The following SHROOM3 variants were observed in gnomAD, a reference collection of about 807,000 sequenced individuals.
SHROOM3 encodes protein Shroom3.
In SHROOM3, 47 loss-of-function variants were observed where a neutral mutation model predicts 138.6. That is an observed-to-expected ratio of 0.34 (90% CI 0.27 to 0.43). The LOEUF (loss-of-function observed/expected upper bound fraction) is 0.43. Among genes scored for constraint, SHROOM3 ranks in the 20% least tolerant of loss-of-function variants. SHROOM3 has a pLI of 1.00. For synonymous variants in SHROOM3, 1,062 were observed against 1,063.3 expected (o/e 1.00, Z 0.02); for missense variants, 2,491 against 2,596.5 (o/e 0.96, Z 0.88).
chr4:76,507,795 C>T (rs1015703729), intron 1 of SHROOM3, among the ~76,000 whole-genome samples: 4 of 151,918 alleles, frequency 2.6e-5, no homozygotes, highest in South Asian at 2.1e-4. Context: ...CTGCCAGCCT[C>T]GGCCTCCCAA....
intron 1 of SHROOM3, among the ~76,000 whole-genome samples, chr4:76,508,820 A>C (rs1372255000): frequency 1.3e-5 from 2 of 152,208 alleles, no homozygotes; most frequent in Non-Finnish European, 2.9e-5. Context: ...AAACAGCATA[A>C]ATTTGTTGCT....
At chr4:76,695,736 C>T (rs1719708390) in intron 2 of SHROOM3, among the ~76,000 whole-genome samples, 1 of 152,194 alleles carries the variant, frequency 6.6e-6, no homozygotes, top group Admixed American at 6.5e-5. Flanking sequence ...CCCCCAAAGT[C>T]CTGAGTGTCG....
chr4:76,677,852 C>T (rs1295170931), intron 2 of SHROOM3, among the ~76,000 whole-genome samples: 7 of 152,164 alleles, frequency 4.6e-5, no homozygotes, highest in Non-Finnish European at 8.8e-5. Flanking sequence ...TCCTGAACAC[C>T]TACGGGGAGA....
chr4:76,650,051 T>C (rs911334589), intron 2 of SHROOM3, among the ~76,000 whole-genome samples: 8 of 152,220 alleles, frequency 5.3e-5, no homozygotes, highest in Non-Finnish European at 1.2e-4. Context: ...CCTAGGTGGA[T>C]GTGCTTGGAG....
chr4:76,757,798 T>C (rs1486262383), intron 8 of SHROOM3, among the ~76,000 whole-genome samples: 1 of 152,210 alleles, frequency 6.6e-6, no homozygotes, highest in African/African-American at 2.4e-5. Context: ...ATGTTTTATT[T>C]CCTTAAAAGA....
chr4:76,535,615 T>A (rs1732934778), intron 1 of SHROOM3, among the ~76,000 whole-genome samples: 1 of 152,222 alleles, frequency 6.6e-6, no homozygotes, highest in African/African-American at 2.4e-5. Flanking sequence ...CCAAACATTT[T>A]AAAACAGCTA....
At chr4:76,552,984 T>C (rs1733397302) in intron 1 of SHROOM3, among the ~76,000 whole-genome samples, 1 of 152,238 alleles carries the variant, frequency 6.6e-6, no homozygotes, top group Admixed American at 6.5e-5. Context: ...TTGTTTATTA[T>C]GTTTATTGTT....
At chr4:76,583,617 T>G (rs1296523226) in intron 2 of SHROOM3, among the ~76,000 whole-genome samples, 1 of 152,224 alleles carries the variant, frequency 6.6e-6, no homozygotes, top group African/African-American at 2.4e-5. Context: ...ATGGGCTCTG[T>G]GGTCAGATTG....
chr4:76,606,516 C>G (rs2110058115), intron 2 of SHROOM3, among the ~76,000 whole-genome samples: 1 of 151,796 alleles, frequency 6.6e-6, no homozygotes, highest in East Asian at 2.0e-4. Flanking sequence ...CCAGCCTGAC[C>G]AATATAGTGA....
At chr4:76,705,169 AC>A (rs1198787948) in intron 2 of SHROOM3, among the ~76,000 whole-genome samples, 1 of 151,872 alleles carries the variant, frequency 6.6e-6, no homozygotes. Flanking sequence ...GTTAATGGGT[AC>A]TATTAAAATA....
intron 2 of SHROOM3, among the ~76,000 whole-genome samples, chr4:76,670,061 C>T (rs533595105): frequency 6.6e-6 from 1 of 152,304 alleles, no homozygotes; most frequent in Non-Finnish European, 1.5e-5. Flanking sequence ...TTCCTTGCCC[C>T]CTTCATTTTT....
intron 10 of SHROOM3, among the ~76,000 whole-genome samples, chr4:76,775,023 G>A (rs999880287): frequency 1.3e-5 from 2 of 151,698 alleles, no homozygotes; most frequent in African/African-American, 4.8e-5. Flanking sequence ...TAAATTCTTA[G>A]TGGCGATTTC....
chr4:76,759,328 A>G (rs559976679), intron 8 of SHROOM3, among the ~76,000 whole-genome samples: 28 of 152,306 alleles, frequency 1.8e-4, no homozygotes, highest in Middle Eastern at 3.4e-3. Flanking sequence ...TGTCATCCCT[A>G]ATGCTGCTTT....
At chr4:76,609,800 C>A (rs1437440619) in intron 2 of SHROOM3, among the ~76,000 whole-genome samples, 1 of 152,110 alleles carries the variant, frequency 6.6e-6, no homozygotes, top group Non-Finnish European at 1.5e-5. Context: ...ATGTTTACAC[C>A]ATTATGTATT....
intron 8 of SHROOM3, 67 bp downstream of exon 8, chr4:76,757,004 T>TC: frequency 6.2e-7 from 1 of 1,610,714 alleles, no homozygotes; most frequent in Non-Finnish European, 8.5e-7. Context: ...TGATGATAAG[T>TC]CTAGGACTAG....
At chr4:76,492,053 G>A (rs1008538852) in intron 1 of SHROOM3, among the ~76,000 whole-genome samples, 2 of 152,168 alleles carry the variant, frequency 1.3e-5, no homozygotes, top group African/African-American at 2.4e-5. Flanking sequence ...TCTTAGGCCC[G>A]CTTTGCTGCT....
chr4:76,525,092 T>A (rs1047582170), intron 1 of SHROOM3, among the ~76,000 whole-genome samples: 1 of 152,152 alleles, frequency 6.6e-6, no homozygotes, highest in African/African-American at 2.4e-5. Context: ...TGCTAGCATT[T>A]GGTATTTGTA....
At chr4:76,576,157 CA>C (rs1443954561) in intron 2 of SHROOM3, among the ~76,000 whole-genome samples, 1 of 152,014 alleles carries the variant, frequency 6.6e-6, no homozygotes, top group Non-Finnish European at 1.5e-5. Flanking sequence ...GTATATACCC[CA>C]AAGAAAGGAA....
At position 76,613,265 on chromosome 4, in the gene SHROOM3, G is replaced by C. The variant is rs369776146; in HGVS notation, c.323+57502G>C. Among the ~76,000 whole-genome samples, 24 of 152,240 alleles carry C rather than the reference G, an allele frequency of 1.6e-4. No homozygotes were observed. In the South Asian group the frequency reaches 4.8e-3, roughly 30 times the overall value. ...CTCCTTGCATGGTTTCCCACTACTGGACAAGTCAGTTCATTTCTTATCTTC... is the reference window on the plus strand; with the variant it reads ...CTCCTTGCATGGTTTCCCACTACTGCACAAGTCAGTTCATTTCTTATCTTC... On this transcript the variant is annotated intron_variant, in intron 2 of 10. Transcript: ENST00000296043.
Sources: gnomAD v4.1 joint callset for allele counts (sites outside exome capture counted in the v4.1 genomes callset) on GRCh38, gnomAD v4.1.1 for gene constraint, MANE v1.5 for transcripts, NCBI Gene and HGNC (gene_info 2026-07-23, HGNC 2026-07-21) for gene names.